NALF1: variants seen among roughly 807,000 people sequenced by gnomAD.
NALF1 encodes NALCN channel auxiliary factor 1, also known as family with sequence similarity 155 member A.
In NALF1, 3 loss-of-function variants were observed where a neutral mutation model predicts 48.4. The ratio of observed to expected loss-of-function variants is 0.06; its 90% CI spans 0.03 to 0.16. NALF1 has a LOEUF of 0.16. Ranked by LOEUF, NALF1 falls within the 10% of genes least tolerant of loss-of-function variation. NALF1 has a pLI of 1.00. For synonymous variants in NALF1, 262 were observed against 245.7 expected (o/e 1.07, Z -0.62); for missense variants, 526 against 571.5 (o/e 0.92, Z 0.81).
intron 1 of NALF1, among the ~76,000 whole-genome samples, chr13:107,823,972 T>C (rs1879434274): frequency 6.8e-6 from 1 of 146,812 alleles, no homozygotes. Flanking sequence ...AATATTACCA[T>C]TGCTGTTATT....
intron 1 of NALF1, among the ~76,000 whole-genome samples, chr13:107,681,106 T>C (rs531270462): frequency 6.6e-5 from 10 of 152,278 alleles, no homozygotes; most frequent in African/African-American, 2.4e-4. Context: ...TTGATGGTCT[T>C]TCCCCCTACT....
chr13:107,674,853 C>T (rs1261364516), intron 1 of NALF1, among the ~76,000 whole-genome samples: 2 of 152,014 alleles, frequency 1.3e-5, no homozygotes, highest in Non-Finnish European at 2.9e-5. Context: ...AGTGTGTTGC[C>T]GAAATGTTTC....
At chr13:107,633,493 T>G (rs1879886395) in intron 1 of NALF1, among the ~76,000 whole-genome samples, 1 of 151,992 alleles carries the variant, frequency 6.6e-6, no homozygotes, top group Non-Finnish European at 1.5e-5. Flanking sequence ...CTGTTTTTGA[T>G]GCTAAAATAT....
At chr13:107,281,759 A>G (rs1024876315) in intron 1 of NALF1, among the ~76,000 whole-genome samples, 1 of 152,192 alleles carries the variant, frequency 6.6e-6, no homozygotes, top group Non-Finnish European at 1.5e-5. Context: ...GCCTCAGGAA[A>G]CTTACAATCA....
intron 1 of NALF1, among the ~76,000 whole-genome samples, chr13:107,547,608 C>T (rs944735542): frequency 3.3e-5 from 5 of 152,086 alleles, no homozygotes; most frequent in Non-Finnish European, 5.9e-5. Flanking sequence ...CACAATTTGC[C>T]GTTATGATAC....
chr13:107,599,178 T>C (rs1366605207), intron 1 of NALF1, among the ~76,000 whole-genome samples: 1 of 152,106 alleles, frequency 6.6e-6, no homozygotes, highest in African/African-American at 2.4e-5. Flanking sequence ...AACATTATAT[T>C]GGGAGGCCGA....
rs143058387 is a variant in NALF1 at position 107,371,816 on chromosome 13, C to T, written c.916-161061G>A. On this transcript the variant is annotated intron_variant, in intron 1 of 2. Transcript: ENST00000375915. ...GAAATGGCAAAAGTTAAACTTGCAG[C>T]ATCAGTCAAGGGAAAAGTCATAACT... is the stretch of plus-strand genomic sequence containing the variant. Among the ~76,000 whole-genome samples, 246 of 152,266 alleles carry T rather than the reference C, an allele frequency of 1.6e-3. 4 individuals carry two copies. Among genetic ancestry groups the T allele is most frequent in the Admixed American group, 0.014 (217 of 15,298 alleles).
chr13:107,555,881 A>G (rs1459125465), intron 1 of NALF1, among the ~76,000 whole-genome samples: 1 of 152,170 alleles, frequency 6.6e-6, no homozygotes, highest in Non-Finnish European at 1.5e-5. Context: ...ATCAATACCC[A>G]GCAAAAAAGA....
At chr13:107,205,319 T>C (rs1879614472) in intron 2 of NALF1, among the ~76,000 whole-genome samples, 1 of 152,184 alleles carries the variant, frequency 6.6e-6, no homozygotes, top group African/African-American at 2.4e-5. Context: ...GTTTTTTCTT[T>C]TGCAGTTGTG....
intron 1 of NALF1, among the ~76,000 whole-genome samples, chr13:107,462,251 A>T (rs1357404692): frequency 6.6e-6 from 1 of 152,200 alleles, no homozygotes; most frequent in Non-Finnish European, 1.5e-5. Flanking sequence ...GCAAATACAA[A>T]ATGTGAAGTT....
chr13:107,631,130 G>A (rs1214790949), intron 1 of NALF1, among the ~76,000 whole-genome samples: 1 of 152,094 alleles, frequency 6.6e-6, no homozygotes, highest in Admixed American at 6.6e-5. Context: ...CCCAGTAGCT[G>A]GGACTACAGG....
chr13:107,293,482 C>T (rs1010113071), intron 1 of NALF1, among the ~76,000 whole-genome samples: 2 of 152,128 alleles, frequency 1.3e-5, no homozygotes, highest in African/African-American at 2.4e-5. Context: ...AATCTCTAGG[C>T]CTCACTTCCC....
chr13:107,843,911 C>T (rs1248323927), intron 1 of NALF1, among the ~76,000 whole-genome samples: 1 of 152,068 alleles, frequency 6.6e-6, no homozygotes, highest in Non-Finnish European at 1.5e-5. Context: ...ATAGACGTTG[C>T]CCCTAATAGC....
chr13:107,259,684 G>A lies in NALF1; in HGVS notation c.916-48929C>T, dbSNP rs1802536339. On this transcript the variant is annotated intron_variant, in intron 1 of 2. Transcript: ENST00000375915. ...AGTTGCAGTTACCTGCTTTCAAATG[G>A]TTTCCAATGTTTTTATTAAGGTAGA... Among the ~76,000 whole-genome samples, 3 of 152,272 alleles carry A rather than the reference G, an allele frequency of 2.0e-5. No homozygotes were observed. The South Asian group carries it at 6.2e-4, about 32-fold the overall frequency.
chr13:107,481,182 G>T (rs1750370047), intron 1 of NALF1, among the ~76,000 whole-genome samples: 1 of 152,104 alleles, frequency 6.6e-6, no homozygotes, highest in Non-Finnish European at 1.5e-5. Context: ...TGATTGCTGA[G>T]AGCTTAATTA....
At chr13:107,229,334 G>A (rs1880172578) in intron 1 of NALF1, among the ~76,000 whole-genome samples, 1 of 152,040 alleles carries the variant, frequency 6.6e-6, no homozygotes, top group Non-Finnish European at 1.5e-5. Flanking sequence ...GGCACTTTTG[G>A]GCAGGCATTC....
intron 1 of NALF1, among the ~76,000 whole-genome samples, chr13:107,669,947 G>A (rs1410816441): frequency 6.6e-6 from 1 of 151,976 alleles, no homozygotes; most frequent in African/African-American, 2.4e-5. Flanking sequence ...CGACTCAACC[G>A]AAATGATGTT....
chr13:107,590,790 A>G (rs1032177007), intron 1 of NALF1, among the ~76,000 whole-genome samples: 2 of 152,014 alleles, frequency 1.3e-5, no homozygotes, highest in African/African-American at 2.4e-5. Flanking sequence ...GTAACTGAGA[A>G]GAGGCCAAGC....
intron 1 of NALF1, among the ~76,000 whole-genome samples, chr13:107,544,612 C>A (rs549743555): frequency 6.6e-6 from 1 of 152,224 alleles, no homozygotes; most frequent in African/African-American, 2.4e-5. Flanking sequence ...CAAAATGCCA[C>A]CACGGGCACT....
Sources: allele counts gnomAD v4.1 joint callset (sites outside exome capture counted in the v4.1 genomes callset), GRCh38; gene constraint gnomAD v4.1.1; transcripts MANE v1.5; gene names NCBI Gene and HGNC (gene_info 2026-07-23, HGNC 2026-07-21).